The following CRMP1 variants were observed in gnomAD, a reference collection of about 807,000 sequenced individuals.
CRMP1 encodes collapsin response mediator protein 1, also known as dihydropyrimidinase-related protein 1.
A neutral mutation model predicts 68.3 loss-of-function variants in CRMP1; 19 were observed. The ratio of observed to expected loss-of-function variants is 0.28; its 90% CI spans 0.19 to 0.41. The LOEUF is 0.41. CRMP1 is among the 10% of genes least tolerant of loss of function. CRMP1 has a pLI of 1.00. For synonymous variants in CRMP1, 439 were observed against 399.6 expected, an observed-to-expected ratio of 1.10 and a Z score of -1.18; for missense variants, 791 against 967.4, an observed-to-expected ratio of 0.82 and a Z score of 2.42.
chr4:5,861,125 C>A lies in CRMP1; in HGVS notation c.556G>T (p.Val186Phe). ...GRMVIPGGID[V>F]NTYLQKPSQG... The stretch of plus-strand genomic sequence containing the variant: ...GAGGGCTTCTGCAGGTACGTGTTGA[C>A]ATCAATACCTCCGGGAATAACCATC... Residue 186 changes from valine (V) to phenylalanine (F), a missense_variant, in exon 3 of 14, where the codon GTC (valine) becomes TTC (phenylalanine). Coordinates refer to ENST00000324989, the MANE Select transcript of CRMP1 (RefSeq NM_001014809.3). The surrounding 1 kb of genome is among the most constrained non-coding windows in gnomAD (Gnocchi z 6.0). The A allele has an allele frequency of 1.2e-6, 2 of 1,614,222 alleles. No individual in the cohort carries two copies. Among genetic ancestry groups the A allele is most frequent in the Non-Finnish European group, 1.7e-6 (2 of 1,180,040 alleles).
rs1052321279 is a variant in CRMP1 at position 5,888,334 on chromosome 4, G to C, written c.381+4255C>G. The C allele has an allele frequency of 8.1e-7, 1 of 1,238,074 alleles. No homozygotes were observed. Among genetic ancestry groups the C allele is most frequent in the Non-Finnish European group, 1.0e-6 (1 of 986,148 alleles). The allele number at this position is 1,238,074 out of a possible 1,614,324, so 76.7% of individuals were successfully genotyped here. On this transcript the variant is annotated intron_variant, in intron 1 of 13. Transcript: ENST00000324989. The surrounding 1 kb of genome is among the most constrained non-coding windows in gnomAD (Gnocchi z 6.4). ...CTGTCTGACTGGAACCGGCGCTCTC[G>C]GCCCCGCTCCCAGCGGGCGCGCTGA...
intron 6 of CRMP1, among the ~76,000 whole-genome samples, chr4:5,847,952 T>A (rs943808822): frequency 3.3e-5 from 5 of 152,188 alleles, no homozygotes; most frequent in Non-Finnish European, 7.3e-5. Flanking sequence ...TACAACATTA[T>A]AACCAATCCA....
intron 12 of CRMP1, chr4:5,826,760 T>G (rs1719693074): frequency 6.5e-6 from 1 of 152,688 alleles, no homozygotes; most frequent in African/African-American, 2.4e-5. Context: ...CCATATCAGG[T>G]GACAGTGCCC....
chr4:5,841,129 AT>A lies in CRMP1; in HGVS notation c.1153+178del, dbSNP rs1479139100. On this transcript the variant is annotated intron_variant, in intron 8 of 13. Transcript: ENST00000324989. This position sits in a 1 kb window ranked among gnomAD's most constrained non-coding sequence, Gnocchi z 6.9. ...TGGAGCTGAGCTTATCGAGGTGAATATCCTAAGGTCATTGGGACCAAAGAAT... is the reference window on the plus strand; with the variant it reads ...TGGAGCTGAGCTTATCGAGGTGAATACCTAAGGTCATTGGGACCAAAGAAT... 2.6e-5 allele frequency among the ~76,000 whole-genome samples: 4 copies of A among 151,898 alleles called. No homozygotes were observed. Among genetic ancestry groups the A allele is most frequent in the Non-Finnish European group, 4.4e-5 (3 of 67,984 alleles).
In CRMP1 at chr4:5,837,678, T is replaced by TAAAATAAATA. The variant is rs142096286; in HGVS notation, c.1311-773_1311-772insTATTTATTTT. ...TAAAATAAAATAAAATAAAATAAAATAAATAAAATAAAATAAAATAAAAAA... is the reference window on the plus strand; with the variant it reads ...TAAAATAAAATAAAATAAAATAAAATAAAATAAATAAAATAAAATAAAATAAAATAAAAAA... On this transcript the variant is annotated intron_variant, in intron 9 of 13. Transcript: ENST00000324989. Among the ~76,000 whole-genome samples the TAAAATAAATA allele has an allele frequency of 1.1e-4, 14 of 126,306 alleles. 1 individual carries two copies. The highest frequency in any genetic ancestry group is 4.1e-4 in the African/African-American group (12 of 28,924). 82.9% of individuals were successfully genotyped at this position (126,306 alleles called of 152,430 possible).
chr4:5,867,360 T>C (rs1714069884), intron 1 of CRMP1, among the ~76,000 whole-genome samples: 1 of 152,196 alleles, frequency 6.6e-6, no homozygotes, highest in African/African-American at 2.4e-5. Flanking sequence ...CTTTTCAATG[T>C]CATTCGTTTG....
At chr4:5,874,767 GGA>G (rs1169422795) in intron 1 of CRMP1, among the ~76,000 whole-genome samples, 2 of 152,016 alleles carry the variant, frequency 1.3e-5, no homozygotes, top group Non-Finnish European at 2.9e-5. Context: ...AGGAAAGAAA[GGA>G]GAGAAGAGAG....
At position 5,834,915 on chromosome 4, in the gene CRMP1, G is replaced by A. The variant is rs1046370701; in HGVS notation, c.1623+1000C>T. 1.3e-5 allele frequency among the ~76,000 whole-genome samples: 2 copies of A among 152,194 alleles called. No homozygotes were observed. The highest frequency in any genetic ancestry group is 2.4e-5 in the African/African-American group (1 of 41,440). On this transcript the variant is annotated intron_variant, in intron 11 of 13. Transcript: ENST00000324989. The surrounding 1 kb of genome is among the most constrained non-coding windows in gnomAD (Gnocchi z 4.3). ...TCAGTGAGCAGCTACCGAGACCTCT[G>A]CTTCTGCAGGCCATGTCTGTGGCAG...
chr4:5,853,242 G>A lies in CRMP1; in HGVS notation c.821-1773C>T, dbSNP rs536593816. On this transcript the variant is annotated intron_variant, in intron 4 of 13. Transcript: ENST00000324989. This position sits in a 1 kb window ranked among gnomAD's most constrained non-coding sequence, Gnocchi z 4.7. ...AGCCTGGCCAATATGGTGATACCCC[G>A]TCTCTACTAAAAATACAAAAATTAG... Among the ~76,000 whole-genome samples the A allele has an allele frequency of 1.1e-4, 17 of 152,234 alleles. No homozygotes were observed. The highest frequency in any genetic ancestry group is 2.6e-4 in the African/African-American group (11 of 41,538).
Position 5,825,537 on chromosome 4 carries a change from G to C in CRMP1, c.1926C>G (p.Pro642=), listed in dbSNP as rs748776898. Residue 642 remains proline, a synonymous_variant, in exon 13 of 14, where the codon CCC becomes CCG. Transcript: ENST00000324989. The surrounding 1 kb of genome is among the most constrained non-coding windows in gnomAD (Gnocchi z 4.4). ...SAKSSPSKHQ[P]PPIRNLHQSN... ...ACTGGTGGAGGTTTCTGATGGGTGGGGGCTGGTGTTTAGAAGGCGAAGATT... is the reference window on the plus strand; with the variant it reads ...ACTGGTGGAGGTTTCTGATGGGTGGCGGCTGGTGTTTAGAAGGCGAAGATT... The C allele has an allele frequency of 3.1e-6, 5 of 1,592,936 alleles. No homozygotes were observed. The Admixed American group carries it at 7.3e-5, about 23-fold the overall frequency.
In CRMP1 at chr4:5,877,891, C is replaced by T. The variant is rs1193057904; in HGVS notation, c.382-11135G>A. Among the ~76,000 whole-genome samples, 1 of 152,194 alleles carries T rather than the reference C, an allele frequency of 6.6e-6. No homozygotes were observed. The highest frequency in any genetic ancestry group is 6.5e-5 in the Admixed American group (1 of 15,278). ...CCTCTGTCACAACCCTAAGAGTGGG[C>T]AGGGCCTGCACGCTGCATAGGGAAA... On this transcript the variant is annotated intron_variant, in intron 1 of 13. Coordinates refer to ENST00000324989, the MANE Select transcript of CRMP1 (RefSeq NM_001014809.3). The surrounding 1 kb of genome is among the most constrained non-coding windows in gnomAD (Gnocchi z 4.3).
Position 5,866,560 on chromosome 4 carries a change from G to C in CRMP1, c.470+108C>G. 1.3e-6 allele frequency: 1 copy of C among 773,510 alleles called. No individual in the cohort carries two copies. The highest frequency in any genetic ancestry group is 2.1e-6 in the Non-Finnish European group (1 of 468,808). The allele number at this position is 773,510 out of a possible 1,614,324, so 47.9% of individuals were successfully genotyped here. ...GTGAGGTCTCTACCCCTGAAACACA[G>C]GTACACAGCCCCGTCATTCTAGGAC... On this transcript the variant is annotated intron_variant, in intron 2 of 13. Coordinates refer to ENST00000324989, the MANE Select transcript of CRMP1 (RefSeq NM_001014809.3). This position sits in a 1 kb window ranked among gnomAD's most constrained non-coding sequence, Gnocchi z 5.9.
At chr4:5,880,403 T>G (rs1715149800) in intron 1 of CRMP1, among the ~76,000 whole-genome samples, 1 of 152,206 alleles carries the variant, frequency 6.6e-6, no homozygotes, top group Non-Finnish European at 1.5e-5. Context: ...TAAAAATACA[T>G]GGCAACATAA....
At chr4:5,852,872 G>C (rs973623936) in intron 4 of CRMP1, among the ~76,000 whole-genome samples, 2 of 152,154 alleles carry the variant, frequency 1.3e-5, no homozygotes, top group African/African-American at 4.8e-5. Flanking sequence ...AGCACGAACA[G>C]GAGAATCGCT....
chr4:5,866,815 CTTTTTAA>C lies in CRMP1; in HGVS notation c.382-66_382-60del. 1.6e-6 allele frequency: 2 copies of C among 1,276,392 alleles called. No individual in the cohort carries two copies. Among genetic ancestry groups the C allele is most frequent in the Non-Finnish European group, 2.2e-6 (2 of 924,792 alleles). 79.1% of individuals were successfully genotyped at this position (1,276,392 alleles called of 1,614,324 possible). A position where few individuals can be genotyped will look rare whatever the true frequency, so the allele number is the denominator to read the frequency against. On this transcript the variant is annotated intron_variant, in intron 1 of 13. Coordinates refer to ENST00000324989, the MANE Select transcript of CRMP1 (RefSeq NM_001014809.3). The surrounding 1 kb of genome is among the most constrained non-coding windows in gnomAD (Gnocchi z 5.9). ...GTGAAAAGCCAGGATAAAGTTTTTT[CTTTTTAA>C]TTTTTAATATAAGAATTATCAAATA...
At chr4:5,836,305 CT>C (rs1246027291) in intron 10 of CRMP1, among the ~76,000 whole-genome samples, 3 of 152,192 alleles carry the variant, frequency 2.0e-5, no homozygotes, top group Non-Finnish European at 4.4e-5. Flanking sequence ...GCAAGAGCCA[CT>C]ATGACATCTT....
In CRMP1 at chr4:5,889,962, A is replaced by G. The variant is rs1715863561; in HGVS notation, c.381+2627T>C. On this transcript the variant is annotated intron_variant, in intron 1 of 13. Transcript: ENST00000324989. This position sits in a 1 kb window ranked among gnomAD's most constrained non-coding sequence, Gnocchi z 4.5. ...AATTGAGGCTTACAGAGGTAAAATG[A>G]TGTACCCCGGGTGCAAAACATATTA... 1 of 1,293,468 alleles carries G rather than the reference A, an allele frequency of 7.7e-7. No individual in the cohort carries two copies. Among genetic ancestry groups the G allele is most frequent in the Non-Finnish European group, 9.9e-7 (1 of 1,010,258 alleles). 80.1% of individuals were successfully genotyped at this position (1,293,468 alleles called of 1,614,324 possible).
At chr4:5,849,305 C>G (rs563907915) in intron 6 of CRMP1, 87 bp downstream of exon 6, 1 of 1,058,988 alleles carries the variant, frequency 9.4e-7, no homozygotes, top group South Asian at 1.4e-5. Context: ...TGTACAGCCT[C>G]CTCACTAACC....
chr4:5,880,639 G>T (rs1375541142), intron 1 of CRMP1, among the ~76,000 whole-genome samples: 1 of 152,192 alleles, frequency 6.6e-6, no homozygotes, highest in East Asian at 1.9e-4. Context: ...ATGCAGCGAA[G>T]CCCATTACTA....
Sources: allele counts gnomAD v4.1 joint callset (sites outside exome capture counted in the v4.1 genomes callset), GRCh38; gene constraint gnomAD v4.1.1; non-coding constraint Gnocchi (gnomAD v3.1); transcripts MANE v1.5; gene names NCBI Gene and HGNC (gene_info 2026-07-23, HGNC 2026-07-21).